Variants in SIPA1L2 observed in about 807,000 individuals in gnomAD.
The protein encoded by SIPA1L2 is signal induced proliferation associated 1 like 2, also known as signal-induced proliferation-associated 1-like protein 2.
A neutral mutation model predicts 163.9 loss-of-function variants in SIPA1L2; 56 were observed. The observed-to-expected ratio is 0.34, with a 90% CI of 0.28 to 0.43. The LOEUF (loss-of-function observed/expected upper bound fraction) is 0.43, where lower values mean the gene tolerates loss of function less well. Among genes scored for constraint, SIPA1L2 ranks in the 20% least tolerant of loss-of-function variants. The pLI is 1.00. For missense variants in SIPA1L2, 1,974 were observed against 2,193.5 expected (o/e 0.90, Z 2.00); for synonymous variants, 877 against 865.7 (o/e 1.01, Z -0.23).
intron 2 of SIPA1L2, among the ~76,000 whole-genome samples, chr1:232,518,920 A>G (rs1667330178): frequency 6.6e-6 from 1 of 152,238 alleles, no homozygotes; most frequent in South Asian, 2.1e-4. Context: ...ATTAGAAAAT[A>G]TTTAAATGAA....
At position 232,483,925 on chromosome 1, in the gene SIPA1L2, T is replaced by C. The variant is rs1280078647; in HGVS notation, c.1848A>G (p.Ala616=). ...ACATCTCTTCCTCTGTGCTCTGGCCTGCTTTGCAATAAAGGATCCCGATCT... is the reference window on the plus strand; with the variant it reads ...ACATCTCTTCCTCTGTGCTCTGGCCCGCTTTGCAATAAAGGATCCCGATCT... The part of the protein sequence containing the change: ...QHKIGILYCK[A]GQSTEEEMYN... The change falls in exon 6 of 23, where the codon GCA becomes GCG. Residue 616 remains alanine, a synonymous_variant. Transcript: ENST00000674635. 6 of 1,613,354 alleles carry C rather than the reference T, an allele frequency of 3.7e-6. No homozygotes were observed. The highest frequency in any genetic ancestry group is 5.1e-6 in the Non-Finnish European group (6 of 1,179,772).
chr1:232,452,384 C>T lies in SIPA1L2; in HGVS notation c.3096-6598G>A, dbSNP rs114942419. ...TGCCAAGTACTGTAGTGTATGCACT[C>T]CACAACTTCAGAGGCACCCAGGAAG... On this transcript the variant is annotated intron_variant, in intron 10 of 22. Coordinates refer to ENST00000674635, the MANE Select transcript of SIPA1L2 (RefSeq NM_020808.5). Among the ~76,000 whole-genome samples the T allele has an allele frequency of 4.4e-3, 664 of 152,152 alleles. 8 individuals carry two copies. The highest frequency in any genetic ancestry group is 0.014 in the Middle Eastern group (4 of 294).
chr1:232,577,594 C>T (rs963305483), intron 1 of SIPA1L2, among the ~76,000 whole-genome samples: 3 of 152,080 alleles, frequency 2.0e-5, no homozygotes, highest in South Asian at 2.1e-4. Flanking sequence ...AGAACATTCA[C>T]GATTCATGGG....
chr1:232,622,949 G>A (rs1444919586), intron 1 of SIPA1L2, among the ~76,000 whole-genome samples: 1 of 152,200 alleles, frequency 6.6e-6, no homozygotes, highest in Non-Finnish European at 1.5e-5. Context: ...TTTACTGTGA[G>A]CCTATTATGT....
intron 4 of SIPA1L2, 65 bp downstream of exon 4, chr1:232,493,462 T>C: frequency 1.3e-6 from 2 of 1,586,950 alleles, no homozygotes; most frequent in Non-Finnish European, 1.7e-6. Flanking sequence ...TAAAACAAAC[T>C]GAAGCAGTAA....
In SIPA1L2 at chr1:232,452,808, T is replaced by C. The variant is rs138511530; in HGVS notation, c.3096-7022A>G. On this transcript the variant is annotated intron_variant, in intron 10 of 22. Transcript: ENST00000674635. The stretch of plus-strand genomic sequence containing the variant: ...AACCCAGACATGACTATGTGTAGCT[T>C]AGAAATGTGACAACCTCTTAGACCC... Among the ~76,000 whole-genome samples, 334 of 152,314 alleles carry C rather than the reference T, an allele frequency of 2.2e-3. 2 individuals are homozygous for C. In the Middle Eastern group the frequency reaches 0.024, roughly 11 times the overall value.
intron 1 of SIPA1L2, among the ~76,000 whole-genome samples, chr1:232,596,917 C>A (rs1395637968): frequency 6.6e-6 from 1 of 152,186 alleles, no homozygotes; most frequent in Non-Finnish European, 1.5e-5. Flanking sequence ...ACCGTGCAGG[C>A]AACATGCCAC....
chr1:232,505,002 A>C (rs927444889), intron 3 of SIPA1L2, among the ~76,000 whole-genome samples: 1 of 152,248 alleles, frequency 6.6e-6, no homozygotes, highest in African/African-American at 2.4e-5. Flanking sequence ...ACACAACTTA[A>C]AGATGAGACA....
intron 1 of SIPA1L2, among the ~76,000 whole-genome samples, chr1:232,585,700 A>G (rs903487661): frequency 3.3e-5 from 5 of 152,226 alleles, no homozygotes; most frequent in African/African-American, 9.6e-5. Context: ...CTCATTCTCC[A>G]TAACAAGGTT....
intron 18 of SIPA1L2, 114 bp from the exon 19 acceptor site, chr1:232,415,739 G>T (rs915808447): frequency 4.7e-5 from 66 of 1,407,798 alleles, no homozygotes; most frequent in Admixed American, 1.3e-4. Context: ...GTCAGAACAC[G>T]GGCACCACTG....
intron 2 of SIPA1L2, among the ~76,000 whole-genome samples, chr1:232,527,615 G>A (rs868333380): frequency 1.3e-5 from 2 of 150,244 alleles, no homozygotes; most frequent in South Asian, 4.2e-4. Flanking sequence ...TAACACTAAA[G>A]ATCTTTACCT....
chr1:232,586,288 C>T (rs1198346182), intron 1 of SIPA1L2, among the ~76,000 whole-genome samples: 2 of 152,158 alleles, frequency 1.3e-5, no homozygotes, highest in Non-Finnish European at 2.9e-5. Flanking sequence ...AATTGAATGT[C>T]TAGGTTTCAC....
chr1:232,495,655 T>A (rs993221323), intron 3 of SIPA1L2, among the ~76,000 whole-genome samples: 3 of 152,204 alleles, frequency 2.0e-5, no homozygotes, highest in Non-Finnish European at 2.9e-5. Context: ...TTTGTTTTAG[T>A]GGGTAATAAA....
At chr1:232,562,645 G>A (rs1271246039) in intron 2 of SIPA1L2, among the ~76,000 whole-genome samples, 1 of 151,964 alleles carries the variant, frequency 6.6e-6, no homozygotes, top group African/African-American at 2.4e-5. Flanking sequence ...GAATGGATTC[G>A]AAGCCAACAA....
In SIPA1L2 at chr1:232,514,653, C is replaced by T; in HGVS notation, c.687G>A (p.Gly229=). ...NYDHKAMVPF[G]FPEFFRCDPA... ...GGTCACAGCGGAAAAATTCAGGGAA[C>T]CCAAAAGGGACCATTGCTTTGTGGT... Residue 229 remains glycine, a synonymous_variant, in exon 3 of 23, where the codon GGG becomes GGA. Coordinates refer to ENST00000674635, the MANE Select transcript of SIPA1L2 (RefSeq NM_020808.5). 1.2e-6 allele frequency: 2 copies of T among 1,614,174 alleles called. No individual in the cohort carries two copies. The highest frequency in any genetic ancestry group is 1.7e-6 in the Non-Finnish European group (2 of 1,180,036).
chr1:232,408,924 A>C (rs1317989143), intron 19 of SIPA1L2, among the ~76,000 whole-genome samples: 4 of 152,194 alleles, frequency 2.6e-5, no homozygotes, highest in Non-Finnish European at 5.9e-5. Context: ...CCATAATTAA[A>C]GCATAATCTT....
chr1:232,553,652 C>T (rs1658533843), intron 2 of SIPA1L2, among the ~76,000 whole-genome samples: 1 of 152,170 alleles, frequency 6.6e-6, no homozygotes, highest in Non-Finnish European at 1.5e-5. Flanking sequence ...GCTCGACTGT[C>T]TCCTATATTT....
At chr1:232,490,647 C>A in intron 5 of SIPA1L2, 2 of 460,476 alleles carry the variant, frequency 4.3e-6, no homozygotes, top group Non-Finnish European at 7.6e-6. Context: ...ACACCAAAAC[C>A]TTGGTAATAA....
At chr1:232,406,623 A>C (rs1325844845) in intron 19 of SIPA1L2, among the ~76,000 whole-genome samples, 2 of 152,180 alleles carry the variant, frequency 1.3e-5, no homozygotes, top group Non-Finnish European at 2.9e-5. Context: ...GGTCTGATCA[A>C]CATGTCATGT....
Sources: allele counts gnomAD v4.1 joint callset (sites outside exome capture counted in the v4.1 genomes callset), GRCh38; gene constraint gnomAD v4.1.1; transcripts MANE v1.5; gene names NCBI Gene and HGNC (gene_info 2026-07-23, HGNC 2026-07-21).